The following HID1 variants were observed in gnomAD, a reference collection of about 807,000 sequenced individuals.
The protein encoded by HID1 is HID1 domain containing.
In HID1, 42 loss-of-function variants were observed where a neutral mutation model predicts 89.7. The observed-to-expected ratio is 0.47, with a 90% CI of 0.37 to 0.61. The LOEUF (loss-of-function observed/expected upper bound fraction) is 0.61, where lower values mean the gene tolerates loss of function less well. Ranked by LOEUF, HID1 falls within the 20% of genes least tolerant of loss-of-function variation. HID1 has a pLI of 0.00. For missense variants in HID1, 854 were observed against 1,039.3 expected, an observed-to-expected ratio of 0.82 and a Z score of 2.45; for synonymous variants, 442 against 433.8, an observed-to-expected ratio of 1.02 and a Z score of -0.24.
At chr17:74,967,360 G>A (rs573869915) in intron 1 of HID1, among the ~76,000 whole-genome samples, 17 of 151,844 alleles carry the variant, frequency 1.1e-4, no homozygotes, top group Admixed American at 9.8e-4. Context: ...CCAATATGGT[G>A]AAACCCCTCT....
rs186870697 is a variant in HID1, at chr17:74,972,273, G to T, written c.66+318C>A. ...GCGGGAGGCTGGAGATGCGAAGCTGGGGACGCCGCGGGGCGGGACAGGGGG... is the reference window on the plus strand; with the variant it reads ...GCGGGAGGCTGGAGATGCGAAGCTGTGGACGCCGCGGGGCGGGACAGGGGG... On this transcript the variant is annotated intron_variant, in intron 1 of 18. Coordinates refer to ENST00000425042, the MANE Select transcript of HID1 (RefSeq NM_030630.3). The surrounding 1 kb of genome is among the most constrained non-coding windows in gnomAD (Gnocchi z 6.4). Among the ~76,000 whole-genome samples, 2,585 of 151,336 alleles carry T rather than the reference G, an allele frequency of 0.017. 30 individuals are homozygous for T. The highest frequency in any genetic ancestry group is 0.034 in the Middle Eastern group (10 of 292).
At chr17:74,966,841 A>C (rs2039570737) in intron 1 of HID1, among the ~76,000 whole-genome samples, 1 of 152,096 alleles carries the variant, frequency 6.6e-6, no homozygotes. Flanking sequence ...ACCTCTAAGG[A>C]GGCTAAGGTG....
chr17:74,963,265 G>A (rs1453909358), intron 3 of HID1, 184 bp from the exon 4 acceptor site: 3 of 561,518 alleles, frequency 5.3e-6, no homozygotes, highest in Non-Finnish European at 9.5e-6. Context: ...GGGCACAGCA[G>A]GGAGCCGGGC....
At chr17:74,954,467 G>A (rs1368619843) in intron 13 of HID1, 102 bp from the exon 14 acceptor site, 2 of 1,533,694 alleles carry the variant, frequency 1.3e-6, no homozygotes, top group African/African-American at 1.4e-5. Context: ...GGACAGGAGG[G>A]TGTCTGCCCA....
Position 74,955,195 on chromosome 17 carries a change from G to A in HID1, c.1636+597C>T, listed in dbSNP as rs370198010. On this transcript the variant is annotated intron_variant, in intron 13 of 18. Coordinates refer to ENST00000425042, the MANE Select transcript of HID1 (RefSeq NM_030630.3). The stretch of plus-strand genomic sequence containing the variant: ...CAGGCAGCCGGATGTCTGTGACACT[G>A]GGCAGACGGGCTGCTAAGATACCCA... 1.4e-4 allele frequency among the ~76,000 whole-genome samples: 22 copies of A among 152,316 alleles called. No homozygotes were observed. In the East Asian group the frequency reaches 4.1e-3, roughly 28 times the overall value.
At position 74,972,676 on chromosome 17, in the gene HID1, G is replaced by A; in HGVS notation, c.-20C>T. 1 of 1,533,698 alleles carries A rather than the reference G, an allele frequency of 6.5e-7. No individual in the cohort carries two copies. The highest frequency in any genetic ancestry group is 2.0e-5 in the Admixed American group (1 of 49,772). ...CCCCATGTCTCTGGAGCCCGCTCCGGCCCGGCCCCCGCCCAGACTCCAACC... is the reference window on the plus strand; with the variant it reads ...CCCCATGTCTCTGGAGCCCGCTCCGACCCGGCCCCCGCCCAGACTCCAACC... On this transcript the variant is annotated 5_prime_UTR_variant, in exon 1 of 19. Coordinates refer to ENST00000425042, the MANE Select transcript of HID1 (RefSeq NM_030630.3). The surrounding 1 kb of genome is among the most constrained non-coding windows in gnomAD (Gnocchi z 6.4).
At chr17:74,969,578 A>G (rs1321951067) in intron 1 of HID1, among the ~76,000 whole-genome samples, 1 of 151,948 alleles carries the variant, frequency 6.6e-6, no homozygotes, top group African/African-American at 2.4e-5. Context: ...GTAAAAATCC[A>G]GGTATTCTTC....
At position 74,953,556 on chromosome 17, in the gene HID1, G is replaced by A; in HGVS notation, c.1960C>T (p.Pro654Ser). The change falls in exon 15 of 19, where the codon CCG becomes TCG. Residue 654 changes from proline to serine, a missense_variant. Physicochemically the swap from Pro to Ser is moderately conservative, Grantham distance 74 (BLOSUM62 -1). Transcript: ENST00000425042. ...TCCCCGTCACCCACCCCCTTAGCCG[G>A]GCTGCCATCCTCCAAGCTCTGCTGG... is the stretch of plus-strand genomic sequence containing the variant. ...EPQQSLEDGS[P>S]AKGEPSQAWR... is the part of the protein sequence containing the mutation. The A allele has an allele frequency of 6.2e-7, 1 of 1,613,886 alleles. No individual in the cohort carries two copies. Among genetic ancestry groups the A allele is most frequent in the Non-Finnish European group, 8.5e-7 (1 of 1,179,878 alleles).
At position 74,950,744 on chromosome 17, in the gene HID1, T is replaced by C. The variant is rs1017444743; in HGVS notation, c.*826A>G. The C allele has an allele frequency of 6.6e-6, 1 of 152,200 alleles. No homozygotes were observed. The highest frequency in any genetic ancestry group is 6.5e-5 in the Admixed American group (1 of 15,278). The allele number at this position is 152,200 out of a possible 1,614,324, so 9.4% of individuals were successfully genotyped here. Reference sequence around the variant, plus strand: ...TCGCCTCAACCACAGAGTCAGAATGTGGAGCAGGAGGTTTTATTGTAAAGA... The same window carrying C: ...TCGCCTCAACCACAGAGTCAGAATGCGGAGCAGGAGGTTTTATTGTAAAGA... On this transcript the variant is annotated 3_prime_UTR_variant, in exon 19 of 19. Transcript: ENST00000425042.
At position 74,962,665 on chromosome 17, in the gene HID1, C is replaced by T. The variant is rs927273035; in HGVS notation, c.504+300G>A. Among the ~76,000 whole-genome samples the T allele has an allele frequency of 1.3e-5, 2 of 152,006 alleles. No homozygotes were observed. The highest frequency in any genetic ancestry group is 2.9e-5 in the Non-Finnish European group (2 of 67,980). On this transcript the variant is annotated intron_variant, in intron 4 of 18. Coordinates refer to ENST00000425042, the MANE Select transcript of HID1 (RefSeq NM_030630.3). This position sits in a 1 kb window ranked among gnomAD's most constrained non-coding sequence, Gnocchi z 4.3. The stretch of plus-strand genomic sequence containing the variant: ...GGGCAGAGAAGACTCAAGGTGAAGT[C>T]CATGCCACCACAGGAAGCAAGAGGG...
rs1457632144 is a variant in HID1 at position 74,958,713 on chromosome 17, G to T, written c.1200C>A (p.Val400=). 6.2e-7 allele frequency: 1 copy of T among 1,613,228 alleles called. No individual in the cohort carries two copies. ...LKSSDVLDIL[V]PILFFLNDAR... ...CATCGTTGAGGAAGAAGAGGATGGG[G>T]ACAAGGATGTCTAGGACGTCGCTGC... Residue 400 remains valine, a synonymous_variant, in exon 10 of 19, where the codon GTC becomes GTA. Transcript: ENST00000425042. This position sits in a 1 kb window ranked among gnomAD's most constrained non-coding sequence, Gnocchi z 5.2.
In HID1 at chr17:74,954,113, C is replaced by G. The variant is rs141907917; in HGVS notation, c.1864+25G>C. ...CCCCAGCCACACCAGTATCCACACT[C>G]CTGTCCCATCCACTAGCACCAGACC... On this transcript the variant is annotated intron_variant, in intron 14 of 18. Transcript: ENST00000425042. 2,267 of 1,563,814 alleles carry G rather than the reference C, an allele frequency of 1.4e-3. 31 individuals carry two copies. In the African/African-American group the frequency reaches 0.024, roughly 17 times the overall value.
intron 14 of HID1, 124 bp downstream of exon 14, chr17:74,954,014 C>T: frequency 1.0e-6 from 1 of 967,428 alleles, no homozygotes; most frequent in South Asian, 1.4e-5. Context: ...TGCCCAGCCC[C>T]ATCCCCTCGG....
chr17:74,955,734 T>G (rs2039379486), intron 13 of HID1, 58 bp downstream of exon 13: 4 of 1,543,524 alleles, frequency 2.6e-6, no homozygotes, highest in African/African-American at 2.7e-5. Flanking sequence ...GCCCCCCTTA[T>G]GTAGGAAGTA....
At chr17:74,963,349 C>A in intron 3 of HID1, 1 of 507,664 alleles carries the variant, frequency 2.0e-6, no homozygotes, top group Middle Eastern at 5.2e-4. Context: ...GAGTCTCAGC[C>A]CTGCTAGGAA....
chr17:74,969,173 C>T lies in HID1; in HGVS notation c.66+3418G>A, dbSNP rs1011385538. Among the ~76,000 whole-genome samples the T allele has an allele frequency of 3.2e-5, 4 of 125,864 alleles. No individual in the cohort carries two copies. In the East Asian group the frequency reaches 9.7e-4, roughly 31 times the overall value. The allele number at this position is 125,864 out of a possible 152,430, so 82.6% of individuals were successfully genotyped here. ...CCAGTTGGCCTCCACCCAGCCCGCC[C>T]AAGGAAGCTTCTAATATCTGATCTT... On this transcript the variant is annotated intron_variant, in intron 1 of 18. Coordinates refer to ENST00000425042, the MANE Select transcript of HID1 (RefSeq NM_030630.3).
In HID1 at chr17:74,972,592, T is replaced by C. The variant is rs1318531797; in HGVS notation, c.65A>G (p.Gln22Arg). 16 of 1,546,270 alleles carry C rather than the reference T, an allele frequency of 1.0e-5. No homozygotes were observed. The highest frequency in any genetic ancestry group is 1.4e-5 in the African/African-American group (1 of 72,334). ...KAVIQLTTKTQPVEATDDAFW... is the reference protein window; with the variant it reads ...KAVIQLTTKTRPVEATDDAFW... ...GACGCCGGGGCCCCCGTGGCGCACC[T>C]GCGTCTTGGTGGTGAGCTGGATCAC... The change falls in exon 1 of 19, where the codon CAG becomes CGG. Residue 22 changes from glutamine (Q) to arginine (R), a missense_variant and splice_region_variant. Physicochemically the swap from Gln to Arg is conservative, Grantham distance 43. Coordinates refer to ENST00000425042, the MANE Select transcript of HID1 (RefSeq NM_030630.3). This position sits in a 1 kb window ranked among gnomAD's most constrained non-coding sequence, Gnocchi z 6.4.
rs549110895 is a variant in HID1, at chr17:74,972,225, C to G, written c.66+366G>C. 3.3e-4 allele frequency among the ~76,000 whole-genome samples: 13 copies of G among 39,106 alleles called. No homozygotes were observed. The South Asian group carries it at 6.4e-3, about 19-fold the overall frequency. 25.7% of individuals were successfully genotyped at this position (39,106 alleles called of 152,430 possible). On this transcript the variant is annotated intron_variant, in intron 1 of 18. Coordinates refer to ENST00000425042, the MANE Select transcript of HID1 (RefSeq NM_030630.3). This position sits in a 1 kb window ranked among gnomAD's most constrained non-coding sequence, Gnocchi z 6.4. Reference sequence around the variant, plus strand: ...AATGAGGGGCAGGGAGGGGAGCGGACGGTGGATGGGTGGGTGGGGGCGGCG... The same window carrying G: ...AATGAGGGGCAGGGAGGGGAGCGGAGGGTGGATGGGTGGGTGGGGGCGGCG...
rs1272816289 is a variant in HID1 at position 74,954,280 on chromosome 17, A to G, written c.1722T>C (p.Ile574=). ...GCCGGCGCCGCTGCAGGGCCTTGTG[A>G]ATGGTGGGCGGGTCCGTGGGCAGGT... ...LANLPTDPPT[I]HKALQRRRRT... Residue 574 remains isoleucine (I), a synonymous_variant, in exon 14 of 19, where the codon ATT becomes ATC. Coordinates refer to ENST00000425042, the MANE Select transcript of HID1 (RefSeq NM_030630.3). The G allele has an allele frequency of 1.9e-6, 3 of 1,588,256 alleles. No homozygotes were observed. In the East Asian group the frequency reaches 6.9e-5, roughly 36 times the overall value.
Sources: gnomAD v4.1 joint callset for allele counts (sites outside exome capture counted in the v4.1 genomes callset) on GRCh38, gnomAD v4.1.1 for gene constraint, Gnocchi (gnomAD v3.1) non-coding constraint, MANE v1.5 for transcripts, NCBI Gene and HGNC (gene_info 2026-07-23, HGNC 2026-07-21) for gene names.